Variants in ELP4 observed in about 807,000 individuals in gnomAD.
ELP4 encodes the protein elongator complex protein 4.
Under a neutral mutation model 48.9 loss-of-function variants are expected in ELP4, and 51 were observed. That is an observed-to-expected ratio of 1.04 (90% CI 0.83 to 1.32). ELP4 has a LOEUF of 1.32. ELP4 is among the 40% of genes most tolerant of loss of function. The pLI is 0.00. For synonymous variants in ELP4, 210 were observed against 189.2 expected, an observed-to-expected ratio of 1.11 and a Z score of -0.90; for missense variants, 519 against 514.6, an observed-to-expected ratio of 1.01 and a Z score of -0.08.
chr11:31,778,886 A>C (rs796133936), intron 9 of ELP4, among the ~76,000 whole-genome samples: 4 of 152,198 alleles, frequency 2.6e-5, no homozygotes, highest in African/African-American at 9.6e-5. Context: ...CTAAAGTTTT[A>C]AAGGTTTTTT....
Position 31,594,782 on chromosome 11 carries a change from C to T in ELP4, c.394C>T (p.Pro132Ser). 1 of 1,520,572 alleles carries T rather than the reference C, an allele frequency of 6.6e-7. No individual in the cohort carries two copies. The highest frequency in any genetic ancestry group is 8.8e-7 in the Non-Finnish European group (1 of 1,142,644). 94.2% of individuals were successfully genotyped at this position (1,520,572 alleles called of 1,614,324 possible). A position where few individuals can be genotyped will look rare whatever the true frequency, so the allele number is the denominator to read the frequency against. The change falls in exon 4 of 10, where the codon CCA becomes TCA. Residue 132 changes from proline (P) to serine (S), a missense_variant. Transcript: ENST00000640961. ...PANILQELPA[P>S]LLDDKCKKEF... ...TTTGTTTTCTTAGGAACTTCCAGCACCATTACTTGATGATAAATGTAAAAA... is the reference window on the plus strand; with the variant it reads ...TTTGTTTTCTTAGGAACTTCCAGCATCATTACTTGATGATAAATGTAAAAA...
intron 9 of ELP4, among the ~76,000 whole-genome samples, chr11:31,680,606 T>C (rs184008011): frequency 3.3e-5 from 5 of 152,330 alleles, no homozygotes; most frequent in African/African-American, 1.2e-4. Flanking sequence ...ATGTGTTTTA[T>C]TTGTTTCATA....
intron 9 of ELP4, among the ~76,000 whole-genome samples, chr11:31,734,826 A>G (rs1272616060): frequency 1.3e-5 from 2 of 152,224 alleles, no homozygotes; most frequent in Non-Finnish European, 2.9e-5. Context: ...CCCTATGGGA[A>G]GCCCAGTGGT....
intron 9 of ELP4, among the ~76,000 whole-genome samples, chr11:31,747,074 T>G (rs1947611828): frequency 6.6e-6 from 1 of 152,016 alleles, no homozygotes; most frequent in Non-Finnish European, 1.5e-5. Flanking sequence ...TCTGTGTCAC[T>G]GACTGTGCAA....
chr11:31,778,356 G>A (rs141220377), intron 9 of ELP4, among the ~76,000 whole-genome samples: 1 of 152,192 alleles, frequency 6.6e-6, no homozygotes, highest in East Asian at 1.9e-4. Flanking sequence ...CCGCAGTAGA[G>A]AGTAATTATA....
At chr11:31,740,766 A>T (rs535637210) in intron 9 of ELP4, among the ~76,000 whole-genome samples, 75 of 152,352 alleles carry the variant, frequency 4.9e-4, no homozygotes, top group African/African-American at 1.7e-3. Flanking sequence ...GGGAGGAGCC[A>T]AGATGGCCGA....
At chr11:31,649,232 C>T (rs1197156498) in intron 8 of ELP4, 1 of 151,640 alleles carries the variant, frequency 6.6e-6, no homozygotes, top group Non-Finnish European at 1.5e-5. Flanking sequence ...AGAAGCAGTT[C>T]TGTAAGTAAG....
chr11:31,777,457 T>A (rs1241011913), intron 9 of ELP4, among the ~76,000 whole-genome samples: 1 of 152,218 alleles, frequency 6.6e-6, no homozygotes, highest in Non-Finnish European at 1.5e-5. Flanking sequence ...TCAGCTATAG[T>A]TCACATACTG....
At chr11:31,519,627 C>T (rs948312784) in intron 1 of ELP4, among the ~76,000 whole-genome samples, 1 of 152,130 alleles carries the variant, frequency 6.6e-6, no homozygotes, top group Middle Eastern at 3.2e-3. Context: ...GAGTTCGAGA[C>T]CAGCCTGACC....
At chr11:31,593,349 C>T (rs1957619981) in intron 3 of ELP4, among the ~76,000 whole-genome samples, 1 of 152,006 alleles carries the variant, frequency 6.6e-6, no homozygotes, top group African/African-American at 2.4e-5. Context: ...ACCTCCTGGG[C>T]TCAAGCGATC....
chr11:31,734,289 C>G (rs1335815597), intron 9 of ELP4, among the ~76,000 whole-genome samples: 1 of 152,180 alleles, frequency 6.6e-6, no homozygotes, highest in Non-Finnish European at 1.5e-5. Flanking sequence ...AGCTCTTCCT[C>G]TAAGATCAGG....
intron 9 of ELP4, among the ~76,000 whole-genome samples, chr11:31,718,696 A>G (rs920383749): frequency 9.9e-5 from 15 of 152,198 alleles, no homozygotes; most frequent in African/African-American, 2.9e-4. Flanking sequence ...TTCCTCACAC[A>G]TGGTGGTCAC....
rs184089756 is a variant in ELP4 at position 31,776,895 on chromosome 11, T to C, written c.1144-6498T>C. On this transcript the variant is annotated intron_variant, in intron 9 of 9. Transcript: ENST00000640961. ...ACAAAAAGTTAAACCTAAAACCTAATCATGTTTAGCAGAATTTGCTCCAGA... is the reference window on the plus strand; with the variant it reads ...ACAAAAAGTTAAACCTAAAACCTAACCATGTTTAGCAGAATTTGCTCCAGA... Among the ~76,000 whole-genome samples the C allele has an allele frequency of 5.3e-3, 805 of 152,280 alleles. 2 individuals carry two copies. Among genetic ancestry groups the C allele is most frequent in the Non-Finnish European group, 9.0e-3 (614 of 68,026 alleles).
chr11:31,687,052 A>G (rs964601099), intron 9 of ELP4, among the ~76,000 whole-genome samples: 18 of 152,146 alleles, frequency 1.2e-4, no homozygotes, highest in African/African-American at 3.4e-4. Flanking sequence ...GAACTTAGTC[A>G]TTTAGTAAGA....
At chr11:31,544,672 A>G (rs889868009) in intron 3 of ELP4, among the ~76,000 whole-genome samples, 4 of 152,220 alleles carry the variant, frequency 2.6e-5, no homozygotes, top group Non-Finnish European at 4.4e-5. Context: ...GCGCAGCTGG[A>G]GATCTGAGGA....
At position 31,539,261 on chromosome 11, in the gene ELP4, G is replaced by A. The variant is rs745886734; in HGVS notation, c.260-401G>A. On this transcript the variant is annotated intron_variant, in intron 2 of 9. Transcript: ENST00000640961. Reference sequence around the variant, plus strand: ...GGGCAGATCACGAGGTCAGGAGATCGAGACCATCCTGGCTAACACAGTGAA... The same window carrying A: ...GGGCAGATCACGAGGTCAGGAGATCAAGACCATCCTGGCTAACACAGTGAA... Among the ~76,000 whole-genome samples, 6 of 152,258 alleles carry A rather than the reference G, an allele frequency of 3.9e-5. No individual in the cohort carries two copies. The South Asian group carries it at 1.0e-3, about 26-fold the overall frequency.
At chr11:31,669,386 C>G (rs563118679) in intron 9 of ELP4, among the ~76,000 whole-genome samples, 1 of 152,102 alleles carries the variant, frequency 6.6e-6, no homozygotes, top group South Asian at 2.1e-4. Flanking sequence ...TGGCCCACGT[C>G]TTTTATAAAT....
intron 3 of ELP4, among the ~76,000 whole-genome samples, chr11:31,583,133 C>T (rs538275077): frequency 2.6e-5 from 4 of 152,134 alleles, no homozygotes; most frequent in Non-Finnish European, 2.9e-5. Context: ...CTTTATGGTT[C>T]CTTTAAAAAT....
At chr11:31,775,393 C>T (rs1351726629) in intron 9 of ELP4, among the ~76,000 whole-genome samples, 3 of 152,144 alleles carry the variant, frequency 2.0e-5, no homozygotes, top group African/African-American at 4.8e-5. Flanking sequence ...CACAAATGGC[C>T]ATCTCTTGGC....
Sources: allele counts gnomAD v4.1 joint callset (sites outside exome capture counted in the v4.1 genomes callset), GRCh38; gene constraint gnomAD v4.1.1; transcripts MANE v1.5; gene names NCBI Gene and HGNC (gene_info 2026-07-23, HGNC 2026-07-21).